The following ECE1 variants were observed in gnomAD, a reference collection of about 807,000 sequenced individuals.
ECE1 encodes the protein endothelin-converting enzyme 1.
In ECE1, 35 loss-of-function variants were observed where a neutral mutation model predicts 98.6. The ratio of observed to expected loss-of-function variants is 0.35; its 90% CI spans 0.27 to 0.47. The LOEUF (loss-of-function observed/expected upper bound fraction) is 0.47, where lower values mean the gene tolerates loss of function less well. Ranked by LOEUF, ECE1 falls within the 20% of genes least tolerant of loss-of-function variation. ECE1 has a pLI of 1.00. For synonymous variants in ECE1, 394 were observed against 407.1 expected, an observed-to-expected ratio of 0.97 and a Z score of 0.39; for missense variants, 814 against 1,025.3, an observed-to-expected ratio of 0.79 and a Z score of 2.81.
chr1:21,290,505 G>A, upstream of ECE1: 2 of 1,212,044 alleles, frequency 1.7e-6, no homozygotes, highest in Admixed American at 4.3e-5. This position sits in a 1 kb window ranked among gnomAD's most constrained non-coding sequence, Gnocchi z 7.3. Context: ...GGCGGGGCCT[G>A]ATCGGTTCGC....
chr1:21,343,698 T>C (rs1346409944), intron 1 of ECE1, among the ~76,000 whole-genome samples: 2 of 152,100 alleles, frequency 1.3e-5, no homozygotes, highest in African/African-American at 4.8e-5. Context: ...GGGATGGGGT[T>C]CAAACACAAA....
chr1:21,257,794 C>T (rs78407131), intron 6 of ECE1, among the ~76,000 whole-genome samples: 3 of 152,142 alleles, frequency 2.0e-5, no homozygotes, highest in East Asian at 1.9e-4. Flanking sequence ...GGCCCCCCCC[C>T]GCAGGGCTCC....
chr1:21,269,133 C>T (rs1245981845), intron 4 of ECE1, among the ~76,000 whole-genome samples: 2 of 152,196 alleles, frequency 1.3e-5, no homozygotes, highest in Admixed American at 1.3e-4. Flanking sequence ...GCAGTGCCGA[C>T]CCAGGGCCTC....
In ECE1 at chr1:21,217,937, A is replaced by G; in HGVS notation, c.*2018T>C. ...GGATTCCAGCTTCCCGGGTGAGGGG[A>G]GAGCACTGTCCAGGCAGGGCTGGGC... On this transcript the variant is annotated 3_prime_UTR_variant, in exon 19 of 19. Transcript: ENST00000374893. The G allele has an allele frequency of 6.5e-6, 1 of 152,702 alleles. No individual in the cohort carries two copies. The highest frequency in any genetic ancestry group is 1.5e-5 in the Non-Finnish European group (1 of 68,390). The allele number at this position is 152,702 out of a possible 1,614,324, so 9.5% of individuals were successfully genotyped here.
chr1:21,229,181 CTTT>C (rs961580678), intron 14 of ECE1, among the ~76,000 whole-genome samples: 10 of 145,910 alleles, frequency 6.9e-5, no homozygotes, highest in African/African-American at 2.0e-4. Flanking sequence ...GAATACAAGA[CTTT>C]TTTTTTTTTC....
chr1:21,299,988 G>A (rs1638448551), intron 1 of ECE1, among the ~76,000 whole-genome samples: 1 of 152,210 alleles, frequency 6.6e-6, no homozygotes, highest in Non-Finnish European at 1.5e-5. Context: ...GGCACTCAAT[G>A]AGCTCATATC....
chr1:21,261,469 G>A (rs1020866430), intron 4 of ECE1, among the ~76,000 whole-genome samples: 4 of 152,078 alleles, frequency 2.6e-5, no homozygotes, highest in Non-Finnish European at 4.4e-5. Flanking sequence ...AGGAGCTTCT[G>A]CATGGGACCC....
rs564913268 is a variant in ECE1 at position 21,311,550 on chromosome 1, C to CA, written c.4-21395dup. Among the ~76,000 whole-genome samples, 40 of 147,010 alleles carry CA rather than the reference C, an allele frequency of 2.7e-4. No individual in the cohort carries two copies. The East Asian group carries it at 7.8e-3, about 29-fold the overall frequency. On this transcript the variant is annotated intron_variant, in intron 1 of 18. Transcript: ENST00000415912. ...AAAAAATTAGCCTGGTGTAGTGCCT[C>CA]ATGCCTGCAATCCCAGCACTTTCGG...
intron 3 of ECE1, among the ~76,000 whole-genome samples, chr1:21,276,264 G>A (rs1366660991): frequency 1.3e-5 from 2 of 152,064 alleles, no homozygotes; most frequent in Non-Finnish European, 2.9e-5. Context: ...GACCTCAGGT[G>A]ATCCACCCGC....
chr1:21,285,306 T>C (rs576799638), intron 2 of ECE1, among the ~76,000 whole-genome samples: 1 of 152,306 alleles, frequency 6.6e-6, no homozygotes, highest in Admixed American at 6.5e-5. Flanking sequence ...GGGAGAAAGA[T>C]GGTAACCCTG....
intron 4 of ECE1, among the ~76,000 whole-genome samples, chr1:21,265,182 T>C (rs1195192676): frequency 6.6e-6 from 1 of 151,940 alleles, no homozygotes; most frequent in Non-Finnish European, 1.5e-5. Flanking sequence ...GCATAATTGG[T>C]GAGTGAATAA....
At chr1:21,271,594 C>G (rs1295130463) in intron 4 of ECE1, among the ~76,000 whole-genome samples, 1 of 152,144 alleles carries the variant, frequency 6.6e-6, no homozygotes, top group Non-Finnish European at 1.5e-5. Flanking sequence ...CAGAGGGAGA[C>G]AGCCATGGTC....
chr1:21,238,960 G>A (rs1558377439), intron 10 of ECE1, among the ~76,000 whole-genome samples: 1 of 151,910 alleles, frequency 6.6e-6, no homozygotes, highest in Non-Finnish European at 1.5e-5. Flanking sequence ...GACAACAGGT[G>A]CAGGCCACTA....
At position 21,258,882 on chromosome 1, in the gene ECE1, G is replaced by C; in HGVS notation, c.616-43C>G. ...AGGCAGGGAGGTGATGAGGTGGCGG[G>C]GAGACCCAGATGTGAATTCTGGTTC... On this transcript the variant is annotated intron_variant, in intron 5 of 18. Coordinates refer to ENST00000374893, the MANE Select transcript of ECE1 (RefSeq NM_001397.3). The surrounding 1 kb of genome is among the most constrained non-coding windows in gnomAD (Gnocchi z 4.2). 1 of 1,611,964 alleles carries C rather than the reference G, an allele frequency of 6.2e-7. No homozygotes were observed. Among genetic ancestry groups the C allele is most frequent in the Non-Finnish European group, 8.5e-7 (1 of 1,179,094 alleles).
intron 1 of ECE1, among the ~76,000 whole-genome samples, chr1:21,341,284 T>C (rs978972502): frequency 2.6e-5 from 4 of 152,248 alleles, no homozygotes; most frequent in African/African-American, 9.6e-5. Flanking sequence ...ACGGCCCCCA[T>C]GCCTCGTGTT....
intron 1 of ECE1, chr1:21,298,696 T>C: frequency 2.2e-6 from 1 of 454,524 alleles, no homozygotes; most frequent in South Asian, 1.6e-5. Flanking sequence ...GCAGCGAGCA[T>C]CAGTAACTCA....
chr1:21,233,471 T>C lies in ECE1; in HGVS notation c.1670+87A>G. On this transcript the variant is annotated intron_variant, in intron 14 of 18. Coordinates refer to ENST00000374893, the MANE Select transcript of ECE1 (RefSeq NM_001397.3). This position sits in a 1 kb window ranked among gnomAD's most constrained non-coding sequence, Gnocchi z 4.0. Reference sequence around the variant, plus strand: ...TCGTGATAGCTGATCGGGTGCACAGTGAGGGTGCAATGAAGGCCAGTTCGT... The same window carrying C: ...TCGTGATAGCTGATCGGGTGCACAGCGAGGGTGCAATGAAGGCCAGTTCGT... 1.7e-6 allele frequency: 2 copies of C among 1,191,554 alleles called. No homozygotes were observed. The highest frequency in any genetic ancestry group is 2.4e-5 in the East Asian group (1 of 42,340). 73.8% of individuals were successfully genotyped at this position (1,191,554 alleles called of 1,614,324 possible).
At chr1:21,291,195 C>T (rs919812538), upstream of ECE1, among the ~76,000 whole-genome samples, 4 of 152,180 alleles carry the variant, frequency 2.6e-5, no homozygotes, top group Non-Finnish European at 5.9e-5. Context: ...GGGGCTCTCT[C>T]GGATATGAGG....
At chr1:21,270,444 G>C (rs1407681383) in intron 4 of ECE1, among the ~76,000 whole-genome samples, 2 of 152,192 alleles carry the variant, frequency 1.3e-5, no homozygotes, top group Non-Finnish European at 2.9e-5. Context: ...AGGTGGTGTG[G>C]GACAGAGGAA....
Sources: allele counts gnomAD v4.1 joint callset (sites outside exome capture counted in the v4.1 genomes callset), GRCh38; gene constraint gnomAD v4.1.1; non-coding constraint Gnocchi (gnomAD v3.1); transcripts MANE v1.5; gene names NCBI Gene and HGNC (gene_info 2026-07-23, HGNC 2026-07-21).